Variants in ZNF331 observed in about 807,000 individuals in gnomAD.
ZNF331 encodes the protein zinc finger protein 331.
A neutral mutation model predicts 7.0 loss-of-function variants in ZNF331; 2 were observed. That is an observed-to-expected ratio of 0.29 (90% CI 0.12 to 0.90). The LOEUF is 0.90. Among genes scored for constraint, ZNF331 ranks in the 40% least tolerant of loss-of-function variants. The pLI is 0.58. For missense variants in ZNF331, 432 were observed against 587.7 expected, an observed-to-expected ratio of 0.74 and a Z score of 2.74; for synonymous variants, 196 against 205.4, an observed-to-expected ratio of 0.95 and a Z score of 0.39.
Position 53,577,881 on chromosome 19 carries a change from T to C in ZNF331, c.1321T>C (p.Cys441Arg). 1.2e-6 allele frequency: 2 copies of C among 1,613,810 alleles called. No individual in the cohort carries two copies. The highest frequency in any genetic ancestry group is 3.3e-4 in the Middle Eastern group (2 of 6,062). ...KTHSGAKSYE[C>R]KECGKACNHL... ...GCACAGTGGGGCGAAATCCTACGAA[T>C]GTAAGGAGTGCGGGAAGGCATGTAA... Residue 441 changes from cysteine (C) to arginine (R), a missense_variant, in exon 6 of 6, where the codon TGT becomes CGT. By Grantham distance (180) the Cys-to-Arg change is radical. Around this residue, in one of 3 missense-constraint regions of ZNF331, gnomAD observed 312 missense variants for 448.6 expected, o/e 0.70. Transcript: ENST00000449416.
At chr19:53,547,508 C>T (rs1018344153) in intron 2 of ZNF331, among the ~76,000 whole-genome samples, 7 of 152,160 alleles carry the variant, frequency 4.6e-5, no homozygotes, top group African/African-American at 9.7e-5. Flanking sequence ...GCACAGGTAT[C>T]GCCATGACAT....
rs758486389 is a variant in ZNF331 at position 53,576,840 on chromosome 19, C to G, written c.280C>G (p.Arg94Gly). 2.5e-6 allele frequency: 4 copies of G among 1,613,992 alleles called. No homozygotes were observed. Among genetic ancestry groups the G allele is most frequent in the Admixed American group, 3.3e-5 (2 of 59,972 alleles). Residue 94 changes from arginine to glycine, a missense_variant, in exon 6 of 6, where the codon CGC becomes GGC. Around this residue, in one of 3 missense-constraint regions of ZNF331, gnomAD observed 81 missense variants for 70.3 expected, o/e 1.15. Coordinates refer to ENST00000449416, the MANE Select transcript of ZNF331 (RefSeq NM_001079906.2). ...TGAAGGTACGCTTGAAAGACCACAG[C>G]GCTCCAGAGGGAGGTATGTCAATCA... Reference protein sequence around the residue: ...ICEGTLERPQRSRGRYVNQMI... With the variant: ...ICEGTLERPQGSRGRYVNQMI...
At chr19:53,543,338 C>T (rs1043463107) in intron 2 of ZNF331, among the ~76,000 whole-genome samples, 5 of 152,132 alleles carry the variant, frequency 3.3e-5, no homozygotes, top group Non-Finnish European at 7.4e-5. Context: ...AATCTTGGTT[C>T]ACTGAACCTC....
chr19:53,561,312 G>A (rs1189056391), intron 3 of ZNF331, among the ~76,000 whole-genome samples: 1 of 144,228 alleles, frequency 6.9e-6, no homozygotes, highest in African/African-American at 2.6e-5. Flanking sequence ...TATTATAATG[G>A]GATTAATGCA....
the ZNF331 span, chr19:53,512,615 T>A: frequency 1.3e-5 from 2 of 151,390 alleles, no homozygotes; most frequent in Admixed American, 1.3e-4. Context: ...GCTGCACTAA[T>A]CTAGACCAGG....
At chr19:53,567,106 AAT>A (rs756658003) in intron 3 of ZNF331, among the ~76,000 whole-genome samples, 1 of 152,110 alleles carries the variant, frequency 6.6e-6, no homozygotes, top group Non-Finnish European at 1.5e-5. Flanking sequence ...CATGTCTTTA[AAT>A]ATCTTTCTAA....
At chr19:53,556,239 T>C (rs142923925) in intron 3 of ZNF331, among the ~76,000 whole-genome samples, 1,781 of 66,870 alleles carry the variant, frequency 0.027, 43 homozygotes, top group African/African-American at 0.12. Context: ...CGAGACTCCA[T>C]CTCAAAAAAA....
chr19:53,527,229 T>G (rs545902375), intron 2 of ZNF331, among the ~76,000 whole-genome samples: 246 of 152,160 alleles, frequency 1.6e-3, no homozygotes, highest in Admixed American at 2.3e-3. Context: ...TTTAAAAAAA[T>G]GATTACTCAA....
upstream of ZNF331, among the ~76,000 whole-genome samples, chr19:53,536,675 G>A (rs1383459225): frequency 2.0e-5 from 3 of 152,162 alleles, no homozygotes; most frequent in Non-Finnish European, 4.4e-5. Flanking sequence ...CGAGGCAGGC[G>A]GATCACCTGA....
chr19:53,559,569 A>G (rs2089702723), intron 3 of ZNF331, among the ~76,000 whole-genome samples: 1 of 151,190 alleles, frequency 6.6e-6, no homozygotes, highest in Admixed American at 6.6e-5. Flanking sequence ...ACCTACATAT[A>G]TACACACATA....
At position 53,562,771 on chromosome 19, in the gene ZNF331, C is replaced by T. The variant is rs192842026; in HGVS notation, c.-73-6533C>T. 5.0e-3 allele frequency among the ~76,000 whole-genome samples: 745 copies of T among 149,162 alleles called. 4 individuals carry two copies. Among genetic ancestry groups the T allele is most frequent in the Non-Finnish European group, 7.5e-3 (504 of 67,330 alleles). On this transcript the variant is annotated intron_variant, in intron 3 of 5. Transcript: ENST00000449416. The stretch of plus-strand genomic sequence containing the variant: ...TTGGAAGGCCGAGGTGGGCAGATCA[C>T]GAAGTCAGGAGTTCGAGACCATACT...
intron 3 of ZNF331, among the ~76,000 whole-genome samples, chr19:53,566,468 T>C (rs2147606500): frequency 6.6e-6 from 1 of 152,284 alleles, no homozygotes; most frequent in South Asian, 2.1e-4. Context: ...AATTTTTGTA[T>C]GGTAGTGCAA....
chr19:53,568,511 C>T (rs1433598532), intron 3 of ZNF331, among the ~76,000 whole-genome samples: 1 of 152,086 alleles, frequency 6.6e-6, no homozygotes, highest in East Asian at 1.9e-4. Flanking sequence ...GCTGATACTG[C>T]GTGACCAAAA....
At chr19:53,532,008 A>G (rs1465349952) in intron 2 of ZNF331, among the ~76,000 whole-genome samples, 2 of 152,174 alleles carry the variant, frequency 1.3e-5, no homozygotes, top group Non-Finnish European at 2.9e-5. Context: ...ATAACAAATT[A>G]TGTGCTTATT....
chr19:53,559,835 TATATACATATACAC>T (rs2089738394), intron 3 of ZNF331, among the ~76,000 whole-genome samples: 1 of 147,422 alleles, frequency 6.8e-6, no homozygotes, highest in African/African-American at 2.7e-5. Flanking sequence ...CGTATATACA[TATATACATATACAC>T]ATATACATAC....
intron 5 of ZNF331, 60 bp from the exon 6 acceptor site, chr19:53,576,637 G>T: frequency 6.8e-7 from 1 of 1,469,664 alleles, no homozygotes; most frequent in South Asian, 1.4e-5. Context: ...TTGGTTTGTG[G>T]TTAGGTTCGT....
At chr19:53,510,339 G>A in the ZNF331 span, among the ~76,000 whole-genome samples, 1 of 152,182 alleles carries the variant, frequency 6.6e-6, no homozygotes, top group East Asian at 1.9e-4. Context: ...TGGCAGATTA[G>A]GGAACTCGGG....
upstream of ZNF331, among the ~76,000 whole-genome samples, chr19:53,516,398 C>T (rs992855097): frequency 1.3e-5 from 2 of 150,290 alleles, no homozygotes; most frequent in Admixed American, 6.7e-5. Context: ...TGCAGTGAGC[C>T]GAGATGGGCC....
chr19:53,520,289 T>C (rs1186221521), upstream of ZNF331, among the ~76,000 whole-genome samples: 3 of 152,110 alleles, frequency 2.0e-5, no homozygotes, highest in Non-Finnish European at 2.9e-5. Flanking sequence ...TCAGGTGATA[T>C]ACCCGCCTCG....
Sources: allele counts gnomAD v4.1 joint callset (sites outside exome capture counted in the v4.1 genomes callset), GRCh38; gene constraint gnomAD v4.1.1; regional missense constraint gnomAD v4.1.1; transcripts MANE v1.5; gene names NCBI Gene and HGNC (gene_info 2026-07-23, HGNC 2026-07-21).